Variants in RBMS3 observed in about 807,000 individuals in gnomAD.
RBMS3 encodes the protein RNA binding motif single stranded interacting protein 3.
A neutral mutation model predicts 66.8 loss-of-function variants in RBMS3; 27 were observed. The ratio of observed to expected loss-of-function variants is 0.40; its 90% CI spans 0.30 to 0.56. The LOEUF (loss-of-function observed/expected upper bound fraction) is 0.56, where lower values mean the gene tolerates loss of function less well. Among genes scored for constraint, RBMS3 ranks in the 20% least tolerant of loss-of-function variants. The pLI, the probability that RBMS3 is intolerant of heterozygous loss-of-function variation, is 0.40. For synonymous variants in RBMS3, 188 were observed against 183.0 expected (o/e 1.03, Z -0.22); for missense variants, 513 against 549.5 (o/e 0.93, Z 0.66).
chr3:29,778,338 C>T (rs529226095), intron 6 of RBMS3, among the ~76,000 whole-genome samples: 43 of 151,754 alleles, frequency 2.8e-4, no homozygotes, highest in African/African-American at 7.7e-4. Context: ...ATGATTATTT[C>T]AATTTCACTT....
At chr3:29,936,797 A>C (rs2061276286) in intron 11 of RBMS3, among the ~76,000 whole-genome samples, 1 of 152,188 alleles carries the variant, frequency 6.6e-6, no homozygotes, top group African/African-American at 2.4e-5. Flanking sequence ...GTGTGCTGAA[A>C]AATGCCTATT....
chr3:29,571,401 T>C lies in RBMS3; in HGVS notation c.308-15713T>C, dbSNP rs570083033. Among the ~76,000 whole-genome samples the C allele has an allele frequency of 3.3e-5, 5 of 152,230 alleles. No homozygotes were observed. The South Asian group carries it at 1.0e-3, about 32-fold the overall frequency. On this transcript the variant is annotated intron_variant, in intron 3 of 14. Coordinates refer to ENST00000383767, the MANE Select transcript of RBMS3 (RefSeq NM_001003793.3). ...ATGTTTTCTTTTAGTAGTTTCATAG[T>C]TTGAGGTCTTAGATTTAAGTCTTTA...
intron 8 of RBMS3, among the ~76,000 whole-genome samples, chr3:29,893,013 C>T (rs2060041572): frequency 6.6e-6 from 1 of 151,258 alleles, no homozygotes; most frequent in Non-Finnish European, 1.5e-5. Context: ...ACCTCTAAGC[C>T]TCAGATGCAA....
chr3:29,612,616 G>A (rs2048529792), intron 4 of RBMS3, among the ~76,000 whole-genome samples: 2 of 151,984 alleles, frequency 1.3e-5, no homozygotes, highest in Admixed American at 1.3e-4. Context: ...CCACCAAGAT[G>A]AAAAAGTAGC....
In RBMS3 at chr3:29,484,475, C is replaced by T. The variant is rs544896165; in HGVS notation, c.249-3966C>T. ...ACAATCATATTGGATTCGGGCCTAT[C>T]GTATAACCTTATTTTACCTTAATTA... On this transcript the variant is annotated intron_variant, in intron 2 of 14. Coordinates refer to ENST00000383767, the MANE Select transcript of RBMS3 (RefSeq NM_001003793.3). 8.5e-5 allele frequency among the ~76,000 whole-genome samples: 13 copies of T among 152,256 alleles called. No homozygotes were observed. In the East Asian group the frequency reaches 1.7e-3, roughly 20 times the overall value.
intron 1 of RBMS3, among the ~76,000 whole-genome samples, chr3:29,360,756 G>A (rs1329209693): frequency 6.6e-6 from 1 of 152,024 alleles, no homozygotes; most frequent in African/African-American, 2.4e-5. Flanking sequence ...ATATATTTAG[G>A]ATAGTTAGCT....
At position 29,783,664 on chromosome 3, in the gene RBMS3, T is replaced by C. The variant is rs182948848; in HGVS notation, c.637+20675T>C. ...TAAAAAAAAGTATTTAGTCAACAAA[T>C]AGTAAGATGAATAGGATAGTACCTC... On this transcript the variant is annotated intron_variant, in intron 6 of 14. Coordinates refer to ENST00000383767, the MANE Select transcript of RBMS3 (RefSeq NM_001003793.3). Among the ~76,000 whole-genome samples, 445 of 152,022 alleles carry C rather than the reference T, an allele frequency of 2.9e-3. 6 individuals are homozygous for C. The highest frequency in any genetic ancestry group is 9.8e-3 in the African/African-American group (408 of 41,480).
At chr3:29,380,024 G>A (rs995258212) in intron 1 of RBMS3, among the ~76,000 whole-genome samples, 1 of 152,106 alleles carries the variant, frequency 6.6e-6, no homozygotes, top group African/African-American at 2.4e-5. Context: ...CCTAGAGGGA[G>A]GACATTTCTG....
chr3:29,979,446 A>G (rs867238997), intron 12 of RBMS3, among the ~76,000 whole-genome samples: 9 of 152,270 alleles, frequency 5.9e-5, no homozygotes, highest in South Asian at 2.1e-4. Context: ...GCTAAGATTC[A>G]CCTAAAATGC....
chr3:29,510,138 A>G (rs146322296), intron 3 of RBMS3, among the ~76,000 whole-genome samples: 1 of 152,222 alleles, frequency 6.6e-6, no homozygotes, highest in Non-Finnish European at 1.5e-5. Context: ...CAATGCTTTA[A>G]TCACAACATT....
At chr3:29,562,388 G>A (rs1007063449) in intron 3 of RBMS3, among the ~76,000 whole-genome samples, 1 of 152,056 alleles carries the variant, frequency 6.6e-6, no homozygotes, top group Non-Finnish European at 1.5e-5. Flanking sequence ...TTGAAAGTAC[G>A]TTTCAGAGAA....
chr3:29,799,327 T>C lies in RBMS3; in HGVS notation c.637+36338T>C, dbSNP rs565045925. Among the ~76,000 whole-genome samples, 8 of 152,336 alleles carry C rather than the reference T, an allele frequency of 5.3e-5. 1 individual carries two copies. In the South Asian group the frequency reaches 1.7e-3, roughly 32 times the overall value. On this transcript the variant is annotated intron_variant, in intron 6 of 14. Transcript: ENST00000383767. ...TCTGAGTGACAGGATATGCTTGAGA[T>C]TTCCCACATTTCAAAACTTGTCTTT...
chr3:29,606,660 A>G (rs529719931), intron 4 of RBMS3, among the ~76,000 whole-genome samples: 3 of 152,054 alleles, frequency 2.0e-5, no homozygotes, highest in East Asian at 3.9e-4. Flanking sequence ...ACAACCAGAC[A>G]TAAGTGGACA....
At chr3:29,812,967 T>C (rs1331018556) in intron 6 of RBMS3, among the ~76,000 whole-genome samples, 1 of 152,056 alleles carries the variant, frequency 6.6e-6, no homozygotes, top group Non-Finnish European at 1.5e-5. Flanking sequence ...TATAAAATAT[T>C]ATATATTATA....
intron 3 of RBMS3, among the ~76,000 whole-genome samples, chr3:29,515,128 C>T (rs142838051): frequency 0.013 from 2,006 of 152,192 alleles, 21 homozygotes; most frequent in South Asian, 0.036. Flanking sequence ...GTGGTCAAAT[C>T]GACCTTAAGT....
Position 30,004,025 on chromosome 3 carries a change from T to C in RBMS3, c.*163T>C, listed in dbSNP as rs547252737. ...TACCTTACCCAATGAAAGCAAAGTTTTTATGTGCTGTGCAAATGGTCTTCA... is the reference window on the plus strand; with the variant it reads ...TACCTTACCCAATGAAAGCAAAGTTCTTATGTGCTGTGCAAATGGTCTTCA... On this transcript the variant is annotated 3_prime_UTR_variant, in exon 15 of 15. Transcript: ENST00000383767. 45 of 454,002 alleles carry C rather than the reference T, an allele frequency of 9.9e-5. No individual in the cohort carries two copies. In the East Asian group the frequency reaches 1.5e-3, roughly 15 times the overall value. 28.1% of individuals were successfully genotyped at this position (454,002 alleles called of 1,614,324 possible). A position where few individuals can be genotyped will look rare whatever the true frequency, so the allele number is the denominator to read the frequency against.
intron 3 of RBMS3, among the ~76,000 whole-genome samples, chr3:29,572,668 C>T (rs1286222191): frequency 6.6e-6 from 1 of 152,084 alleles, no homozygotes; most frequent in Non-Finnish European, 1.5e-5. Flanking sequence ...ATTCAGTTTG[C>T]TAGTATTTTG....
chr3:29,621,726 G>T (rs543154717), intron 4 of RBMS3, among the ~76,000 whole-genome samples: 1 of 152,016 alleles, frequency 6.6e-6, no homozygotes, highest in African/African-American at 2.4e-5. Context: ...ATGCTACTTT[G>T]TTGTGGCAGT....
intron 12 of RBMS3, among the ~76,000 whole-genome samples, chr3:29,951,749 G>A (rs934324854): frequency 1.3e-5 from 2 of 151,504 alleles, no homozygotes; most frequent in African/African-American, 4.8e-5. Flanking sequence ...GAAATAGTAA[G>A]AGAGTTAATT....
Sources: allele counts gnomAD v4.1 joint callset (sites outside exome capture counted in the v4.1 genomes callset), GRCh38; gene constraint gnomAD v4.1.1; transcripts MANE v1.5; gene names NCBI Gene and HGNC (gene_info 2026-07-23, HGNC 2026-07-21).